MAD1L1: variants seen among roughly 807,000 people sequenced by gnomAD.
MAD1L1 encodes the protein mitotic spindle assembly checkpoint protein MAD1.
MAD1L1 carries 95 observed loss-of-function variants against 96.9 expected under a neutral mutation model. That is an observed-to-expected ratio of 0.98 (90% CI 0.83 to 1.16). MAD1L1 has a LOEUF of 1.16. MAD1L1 is among the 50% of genes most tolerant of loss of function. The pLI is 0.00. For synonymous variants in MAD1L1, 473 were observed against 396.6 expected (o/e 1.19, Z -2.29); for missense variants, 1,007 against 954.4 (o/e 1.06, Z -0.73).
intron 14 of MAD1L1, among the ~76,000 whole-genome samples, chr7:1,983,372 TG>T (rs1452388778): frequency 6.6e-6 from 1 of 152,178 alleles, no homozygotes; most frequent in Non-Finnish European, 1.5e-5. Context: ...CCTCTTGTGG[TG>T]GGGGAGAGCA....
chr7:2,149,357 T>A, intron 10 of MAD1L1, 119 bp from the exon 11 acceptor site: 1 of 783,770 alleles, frequency 1.3e-6, no homozygotes, highest in Non-Finnish European at 2.2e-6. Context: ...ACCCAGGATG[T>A]GTGAACTCTG....
At chr7:1,963,374 G>A (rs190467915) in intron 15 of MAD1L1, among the ~76,000 whole-genome samples, 219 of 152,244 alleles carry the variant, frequency 1.4e-3, no homozygotes, top group Non-Finnish European at 2.8e-3. Flanking sequence ...CTCGACAGCC[G>A]CCCGCCAATC....
chr7:2,105,731 C>T lies in MAD1L1; in HGVS notation c.1074-36393G>A, dbSNP rs139311849. Among the ~76,000 whole-genome samples, 268 of 152,124 alleles carry T rather than the reference C, an allele frequency of 1.8e-3. 1 individual carries two copies. Among genetic ancestry groups the T allele is most frequent in the African/African-American group, 6.3e-3 (262 of 41,486 alleles). On this transcript the variant is annotated intron_variant, in intron 11 of 18. Transcript: ENST00000265854. ...ACCCCCGCACGGTCCAGTAAGAGAC[C>T]ACCTTCCAGATGAGACCAGAAAGTC... is the stretch of plus-strand genomic sequence containing the variant.
chr7:2,168,418 C>G (rs951757936), intron 10 of MAD1L1, among the ~76,000 whole-genome samples: 1 of 152,222 alleles, frequency 6.6e-6, no homozygotes, highest in African/African-American at 2.4e-5. Flanking sequence ...GCGAGATGTT[C>G]TTTGAACTTG....
At chr7:2,203,418 G>A (rs1009931494) in intron 10 of MAD1L1, among the ~76,000 whole-genome samples, 5 of 152,232 alleles carry the variant, frequency 3.3e-5, no homozygotes, top group South Asian at 2.1e-4. Context: ...ACGCCGTGAC[G>A]GGAGCGCACA....
chr7:1,816,910 G>A, intron 18 of MAD1L1: 1 of 151,850 alleles, frequency 6.6e-6, no homozygotes, highest in Non-Finnish European at 1.5e-5. Flanking sequence ...CACCCACACA[G>A]CCCCAGGTCA....
chr7:1,956,059 A>G (rs1009071755), intron 16 of MAD1L1, among the ~76,000 whole-genome samples: 8 of 152,010 alleles, frequency 5.3e-5, no homozygotes, highest in Non-Finnish European at 1.0e-4. Flanking sequence ...GGCCTAGTAT[A>G]TCCTGTTTCT....
At chr7:2,186,682 G>A (rs988030689) in intron 10 of MAD1L1, among the ~76,000 whole-genome samples, 5 of 152,190 alleles carry the variant, frequency 3.3e-5, no homozygotes, top group African/African-American at 1.2e-4. Flanking sequence ...AGTCCAACTT[G>A]TGAGCCTCTT....
intron 15 of MAD1L1, 67 bp from the exon 16 acceptor site, chr7:1,957,786 G>A (rs764665572): frequency 1.0e-5 from 15 of 1,450,982 alleles, no homozygotes; most frequent in African/African-American, 2.8e-5. Flanking sequence ...CCCACCCTCT[G>A]GGTGATAAGG....
intron 18 of MAD1L1, among the ~76,000 whole-genome samples, chr7:1,830,251 G>A (rs1782638254): frequency 6.6e-6 from 1 of 152,176 alleles, no homozygotes; most frequent in African/African-American, 2.4e-5. Context: ...ACAAAAATTG[G>A]CCACGTGCAG....
chr7:2,084,136 G>GCCAC (rs1306653030), intron 11 of MAD1L1, among the ~76,000 whole-genome samples: 1 of 152,258 alleles, frequency 6.6e-6, no homozygotes, highest in Non-Finnish European at 1.5e-5. Context: ...GGCAGGGTGT[G>GCCAC]CGGTGGACAC....
intron 17 of MAD1L1, among the ~76,000 whole-genome samples, chr7:1,902,998 G>A (rs28410138): frequency 0.056 from 8,537 of 151,628 alleles, 590 homozygotes; most frequent in African/African-American, 0.15. Context: ...ACGCTCTTGC[G>A]GAACTCATGA....
intron 13 of MAD1L1, 141 bp from the exon 14 acceptor site, chr7:2,002,262 C>A: frequency 1.1e-5 from 9 of 790,818 alleles, no homozygotes; most frequent in Non-Finnish European, 1.9e-5. Flanking sequence ...AAGTGGGCAG[C>A]CAGAGGGTGG....
intron 18 of MAD1L1, among the ~76,000 whole-genome samples, chr7:1,817,821 G>T (rs1239817092): frequency 6.6e-6 from 1 of 152,014 alleles, no homozygotes; most frequent in South Asian, 2.1e-4. Flanking sequence ...ATCCAGCTTG[G>T]TCCTGGCAGC....
At chr7:1,953,977 G>A (rs760178109) in intron 16 of MAD1L1, among the ~76,000 whole-genome samples, 13 of 152,256 alleles carry the variant, frequency 8.5e-5, no homozygotes, top group East Asian at 3.9e-4. Context: ...TCCACTGGAC[G>A]TGCCCCTCTC....
intron 11 of MAD1L1, among the ~76,000 whole-genome samples, chr7:2,078,039 T>G (rs1459913669): frequency 6.6e-6 from 1 of 152,104 alleles, no homozygotes; most frequent in Non-Finnish European, 1.5e-5. Context: ...ATTCGCTCCT[T>G]GCTAAGAGGG....
chr7:2,156,134 G>A (rs1021343648), intron 10 of MAD1L1, among the ~76,000 whole-genome samples: 8 of 151,946 alleles, frequency 5.3e-5, no homozygotes, highest in Non-Finnish European at 1.2e-4. Context: ...GCGGGCGCAC[G>A]GTTTCACGGC....
At chr7:1,849,087 C>CATACACGT (rs1378441726) in intron 18 of MAD1L1, 1 of 71,406 alleles carries the variant, frequency 1.4e-5, no homozygotes, top group Admixed American at 1.9e-4. Context: ...TGCACATGCA[C>CATACACGT]GGACACATGC....
intron 11 of MAD1L1, among the ~76,000 whole-genome samples, chr7:2,124,150 C>T (rs566084878): frequency 1.3e-5 from 2 of 152,352 alleles, no homozygotes; most frequent in East Asian, 1.9e-4. Context: ...AGAGGCCACG[C>T]CACGCCCCTG....
Sources: gnomAD v4.1 joint callset for allele counts (sites outside exome capture counted in the v4.1 genomes callset) on GRCh38, gnomAD v4.1.1 for gene constraint, MANE v1.5 for transcripts, NCBI Gene and HGNC (gene_info 2026-07-23, HGNC 2026-07-21) for gene names.